The following KCNAB1 variants were observed in gnomAD, a reference collection of about 807,000 sequenced individuals.
KCNAB1 encodes the protein voltage-gated potassium channel subunit beta-1.
A neutral mutation model predicts 64.6 loss-of-function variants in KCNAB1; 35 were observed. The ratio of observed to expected loss-of-function variants is 0.54; its 90% CI spans 0.41 to 0.72. The LOEUF is 0.72. KCNAB1 is among the 30% of genes least tolerant of loss of function. The pLI, the probability that KCNAB1 is intolerant of heterozygous loss-of-function variation, is 0.00. For synonymous variants in KCNAB1, 177 were observed against 183.8 expected, an observed-to-expected ratio of 0.96 and a Z score of 0.30; for missense variants, 401 against 512.9, an observed-to-expected ratio of 0.78 and a Z score of 2.11.
rs754457346 is a variant in KCNAB1 at position 156,452,919 on chromosome 3, G to A, written c.340G>A (p.Gly114Ser). 10 of 1,603,910 alleles carry A rather than the reference G, an allele frequency of 6.2e-6. No homozygotes were observed. In the South Asian group the frequency reaches 1.1e-4, roughly 18 times the overall value. Residue 114 changes from glycine to serine, a missense_variant, in exon 3 of 14, where the codon GGT becomes AGT. Physicochemically the swap from Gly to Ser is moderately conservative, Grantham distance 56. Transcript: ENST00000490337. The surrounding 1 kb of genome is among the most constrained non-coding windows in gnomAD (Gnocchi z 4.6). ...LGLGTWVTFGGQISDEVAERL... is the reference protein window; with the variant it reads ...LGLGTWVTFGSQISDEVAERL... ...TCTAGGAACATGGGTGACATTTGGA[G>A]GTCAAATTTCAGATGAGGTAAGTTA...
intron 1 of KCNAB1, among the ~76,000 whole-genome samples, chr3:156,367,375 G>T (rs1286667593): frequency 6.6e-6 from 1 of 151,618 alleles, no homozygotes; most frequent in Non-Finnish European, 1.5e-5. Flanking sequence ...TAGAGACGGG[G>T]TTTCACTGTG....
intron 1 of KCNAB1, among the ~76,000 whole-genome samples, chr3:156,278,545 T>C (rs1403885653): frequency 1.3e-5 from 2 of 152,172 alleles, no homozygotes; most frequent in African/African-American, 4.8e-5. Context: ...CTTTTTTCCT[T>C]CCCTCCTTCA....
chr3:156,165,946 G>A (rs1025489156), intron 1 of KCNAB1, among the ~76,000 whole-genome samples: 2 of 152,198 alleles, frequency 1.3e-5, no homozygotes, highest in African/African-American at 4.8e-5. Context: ...AGGTGTGTAA[G>A]GGATTCTAAG....
chr3:156,219,922 G>C (rs1242005730), intron 1 of KCNAB1, among the ~76,000 whole-genome samples: 1 of 151,088 alleles, frequency 6.6e-6, no homozygotes, highest in Non-Finnish European at 1.5e-5. Context: ...CTGTGTCCAT[G>C]TGTTCTCATT....
At chr3:156,166,045 T>G (rs925365629) in intron 1 of KCNAB1, among the ~76,000 whole-genome samples, 7 of 152,292 alleles carry the variant, frequency 4.6e-5, no homozygotes, top group Non-Finnish European at 1.0e-4. Flanking sequence ...CTTGGGCCCC[T>G]CATTTTTTCC....
intron 1 of KCNAB1, among the ~76,000 whole-genome samples, chr3:156,153,252 G>A (rs1453607887): frequency 6.6e-6 from 1 of 152,100 alleles, no homozygotes; most frequent in Non-Finnish European, 1.5e-5. Context: ...AAAAATCCAA[G>A]TATCCTTATT....
intron 1 of KCNAB1, among the ~76,000 whole-genome samples, chr3:156,194,496 A>C (rs892533578): frequency 2.0e-5 from 3 of 151,778 alleles, no homozygotes; most frequent in Non-Finnish European, 4.4e-5. Context: ...GCTTCTTTTT[A>C]ACATTTTCTT....
chr3:156,488,710 C>T (rs1234172099), intron 8 of KCNAB1, among the ~76,000 whole-genome samples: 12 of 152,010 alleles, frequency 7.9e-5, no homozygotes, highest in Admixed American at 7.2e-4. Flanking sequence ...CTCCAGAGTC[C>T]TAAGCATTCC....
chr3:156,361,666 G>T (rs922954213), intron 1 of KCNAB1, among the ~76,000 whole-genome samples: 2 of 152,138 alleles, frequency 1.3e-5, no homozygotes, highest in Non-Finnish European at 2.9e-5. Flanking sequence ...TTGAGATAGG[G>T]TCTCTCTTGG....
chr3:156,232,752 G>T (rs1431304018), intron 1 of KCNAB1, among the ~76,000 whole-genome samples: 1 of 152,098 alleles, frequency 6.6e-6, no homozygotes, highest in Non-Finnish European at 1.5e-5. Context: ...GTATTATTAA[G>T]GTTTTATAAA....
intron 1 of KCNAB1, among the ~76,000 whole-genome samples, chr3:156,224,430 C>T (rs1480485568): frequency 5.3e-5 from 8 of 152,250 alleles, no homozygotes; most frequent in South Asian, 4.1e-4. Context: ...GCGCCAAGGC[C>T]GAGGAGGCGC....
At chr3:156,319,120 A>G (rs1401811146) in intron 1 of KCNAB1, among the ~76,000 whole-genome samples, 1 of 152,204 alleles carries the variant, frequency 6.6e-6, no homozygotes, top group African/African-American at 2.4e-5. Context: ...ATAAGTTGCA[A>G]GGGAACATGG....
In KCNAB1 at chr3:156,537,899, T is replaced by C. The variant is rs1719165319; in HGVS notation, c.*1152T>C. 6.6e-6 allele frequency: 1 copy of C among 152,326 alleles called. No individual in the cohort carries two copies. Among genetic ancestry groups the C allele is most frequent in the Non-Finnish European group, 1.5e-5 (1 of 68,036 alleles). The allele number at this position is 152,326 out of a possible 1,614,324, so 9.4% of individuals were successfully genotyped here. ...ACTATTCAGAATATGCTGGGTAAAT[T>C]GACTTGCCTAGTGAAAAGCAAAATG... On this transcript the variant is annotated 3_prime_UTR_variant, in exon 14 of 14. Coordinates refer to ENST00000490337, the MANE Select transcript of KCNAB1 (RefSeq NM_172160.3).
intron 1 of KCNAB1, among the ~76,000 whole-genome samples, chr3:156,349,020 A>G (rs1724687712): frequency 6.6e-6 from 1 of 152,234 alleles, no homozygotes; most frequent in Non-Finnish European, 1.5e-5. Context: ...ATCACGCAAG[A>G]AACATCCTGG....
rs974066308 is a variant in KCNAB1 at position 156,144,412 on chromosome 3, T to A, written c.275+23526T>A. On this transcript the variant is annotated intron_variant, in intron 1 of 13. Coordinates refer to ENST00000490337, the MANE Select transcript of KCNAB1 (RefSeq NM_172160.3). Reference sequence around the variant, plus strand: ...ATAAAGCAATTTGCAATGATATGGCTCCTCTCTGGAGAGCAAAGTATTTTA... The same window carrying A: ...ATAAAGCAATTTGCAATGATATGGCACCTCTCTGGAGAGCAAAGTATTTTA... 3.3e-5 allele frequency among the ~76,000 whole-genome samples: 5 copies of A among 152,360 alleles called. No individual in the cohort carries two copies. In the South Asian group the frequency reaches 6.2e-4, roughly 19 times the overall value.
intron 8 of KCNAB1, among the ~76,000 whole-genome samples, chr3:156,484,859 TA>T (rs34943757): frequency 0.4 from 61,271 of 151,850 alleles, 12,682 homozygotes; most frequent in South Asian, 0.52. Flanking sequence ...ATATGTGTCC[TA>T]AAAAAATATG....
At chr3:156,187,206 C>T (rs1713258160) in intron 1 of KCNAB1, among the ~76,000 whole-genome samples, 1 of 152,176 alleles carries the variant, frequency 6.6e-6, no homozygotes, top group Non-Finnish European at 1.5e-5. Context: ...ATCACTAACC[C>T]TCCACCTTGG....
intron 1 of KCNAB1, among the ~76,000 whole-genome samples, chr3:156,204,530 T>C (rs1252672502): frequency 6.6e-6 from 1 of 152,172 alleles, no homozygotes; most frequent in African/African-American, 2.4e-5. Flanking sequence ...TCCATTTGAA[T>C]AGAAATAAGG....
intron 8 of KCNAB1, among the ~76,000 whole-genome samples, chr3:156,493,072 T>C (rs922300362): frequency 1.3e-5 from 2 of 152,168 alleles, no homozygotes; most frequent in Non-Finnish European, 2.9e-5. Context: ...TGGTCAGTAT[T>C]AAATATGGCT....
Sources: gnomAD v4.1 joint callset for allele counts (sites outside exome capture counted in the v4.1 genomes callset) on GRCh38, gnomAD v4.1.1 for gene constraint, Gnocchi (gnomAD v3.1) non-coding constraint, MANE v1.5 for transcripts, NCBI Gene and HGNC (gene_info 2026-07-23, HGNC 2026-07-21) for gene names.